The following FRAS1 variants were observed in gnomAD, a reference collection of about 807,000 sequenced individuals.
The protein encoded by FRAS1 is Fraser extracellular matrix complex subunit 1.
FRAS1 carries 290 observed loss-of-function variants against 435.2 expected under a neutral mutation model. The observed-to-expected ratio is 0.67, with a 90% CI of 0.61 to 0.73. FRAS1 has a LOEUF of 0.73. FRAS1 is among the 30% of genes least tolerant of loss of function. FRAS1 has a pLI of 0.00. For missense variants in FRAS1, 4,860 were observed against 5,001.5 expected (o/e 0.97, Z 0.85); for synonymous variants, 1,800 against 1,851.0 (o/e 0.97, Z 0.71).
At chr4:78,498,066 A>G (rs1011953218) in intron 60 of FRAS1, among the ~76,000 whole-genome samples, 5 of 152,218 alleles carry the variant, frequency 3.3e-5, no homozygotes, top group African/African-American at 1.2e-4. Context: ...CAGGGAGAGG[A>G]ACATCATACA....
intron 9 of FRAS1, among the ~76,000 whole-genome samples, chr4:78,275,607 G>C (rs1726970098): frequency 1.3e-5 from 2 of 152,290 alleles, no homozygotes; most frequent in Non-Finnish European, 1.5e-5. Flanking sequence ...ATTCTGGGTT[G>C]AGAATTCTTT....
intron 2 of FRAS1, among the ~76,000 whole-genome samples, chr4:78,230,131 A>G (rs1287912430): frequency 6.6e-6 from 1 of 152,224 alleles, no homozygotes; most frequent in Admixed American, 6.5e-5. Flanking sequence ...CTTCAGGTTT[A>G]TCATTTTAAG....
chr4:78,430,876 C>A (rs1734193072), intron 37 of FRAS1, among the ~76,000 whole-genome samples: 1 of 152,060 alleles, frequency 6.6e-6, no homozygotes, highest in African/African-American at 2.4e-5. Flanking sequence ...GAAGTATTAT[C>A]TATGTGATAT....
intron 2 of FRAS1, chr4:78,180,836 A>C: frequency 6.6e-7 from 1 of 1,510,446 alleles, no homozygotes. Context: ...AGGGTTCACG[A>C]AGGAACCAGG....
At chr4:78,073,141 A>AC (rs1416478627) in intron 2 of FRAS1, among the ~76,000 whole-genome samples, 2 of 152,236 alleles carry the variant, frequency 1.3e-5, no homozygotes, top group Middle Eastern at 6.8e-3. Flanking sequence ...GTCTCTGAGA[A>AC]TTTTTTTGTC....
At chr4:78,509,084 A>C in intron 63 of FRAS1, 78 bp downstream of exon 63, 1 of 1,494,918 alleles carries the variant, frequency 6.7e-7, no homozygotes, top group Non-Finnish European at 9.2e-7. Context: ...AGATAATCAA[A>C]TTCCTTATGG....
intron 2 of FRAS1, among the ~76,000 whole-genome samples, chr4:78,219,462 C>T (rs1420999929): frequency 6.6e-6 from 1 of 152,086 alleles, no homozygotes; most frequent in Non-Finnish European, 1.5e-5. Context: ...GACATAGCAA[C>T]AATTGATCAT....
chr4:78,155,603 C>T (rs564312995), intron 2 of FRAS1, among the ~76,000 whole-genome samples: 31 of 152,294 alleles, frequency 2.0e-4, no homozygotes, highest in Admixed American at 1.5e-3. Flanking sequence ...CCGTGGCATT[C>T]TAGGAGCTTA....
At chr4:78,483,799 A>T (rs202121586) in intron 58 of FRAS1, among the ~76,000 whole-genome samples, 20,960 of 66,276 alleles carry the variant, frequency 0.32, 4,421 homozygotes, top group East Asian at 0.56. Context: ...TATATATATA[A>T]AATTATGTAT....
At chr4:78,063,669 A>G (rs570966028) in intron 1 of FRAS1, among the ~76,000 whole-genome samples, 1 of 152,300 alleles carries the variant, frequency 6.6e-6, no homozygotes, top group African/African-American at 2.4e-5. Flanking sequence ...TGAGTTTATC[A>G]TGGCTATCTA....
intron 1 of FRAS1, among the ~76,000 whole-genome samples, chr4:78,060,304 A>C (rs1739699222): frequency 6.6e-6 from 1 of 152,196 alleles, no homozygotes; most frequent in Non-Finnish European, 1.5e-5. Flanking sequence ...AGGATCTTAG[A>C]AATCTCCTCA....
At chr4:78,360,947 T>A (rs1427893411) in intron 20 of FRAS1, among the ~76,000 whole-genome samples, 1 of 152,232 alleles carries the variant, frequency 6.6e-6, no homozygotes, top group East Asian at 1.9e-4. Context: ...AAAGCATCTG[T>A]TAGATGCAAC....
chr4:78,376,340 A>G (rs748891171), intron 26 of FRAS1, among the ~76,000 whole-genome samples: 15 of 152,144 alleles, frequency 9.9e-5, no homozygotes, highest in Non-Finnish European at 2.2e-4. Context: ...TAGGCTACAA[A>G]CCTGTACAGC....
At chr4:78,181,258 T>C in intron 2 of FRAS1, 1 of 1,608,456 alleles carries the variant, frequency 6.2e-7, no homozygotes, top group Non-Finnish European at 8.5e-7. Flanking sequence ...CTTTTACCTC[T>C]TCAACATCAT....
intron 2 of FRAS1, among the ~76,000 whole-genome samples, chr4:78,172,020 C>G (rs146559417): frequency 1.2e-4 from 18 of 152,206 alleles, no homozygotes; most frequent in African/African-American, 4.1e-4. Flanking sequence ...CCTTAAATGC[C>G]TTTTCCAGTA....
chr4:78,273,361 G>A (rs1726816815), intron 9 of FRAS1, among the ~76,000 whole-genome samples: 1 of 152,188 alleles, frequency 6.6e-6, no homozygotes, highest in Non-Finnish European at 1.5e-5. Flanking sequence ...TTGAATAGGA[G>A]TGGTGAGAGA....
At chr4:78,459,784 C>A (rs1055201129) in intron 47 of FRAS1, among the ~76,000 whole-genome samples, 1 of 152,136 alleles carries the variant, frequency 6.6e-6, no homozygotes, top group Non-Finnish European at 1.5e-5. Context: ...AGGAAGGACC[C>A]GCCCCAGGCC....
rs199775107 is a variant in FRAS1, at chr4:78,135,109, A to AAG, written c.108+69099_108+69100dup. Among the ~76,000 whole-genome samples, 910 of 152,312 alleles carry AAG rather than the reference A, an allele frequency of 6.0e-3. 11 individuals carry two copies. Among genetic ancestry groups the AAG allele is most frequent in the African/African-American group, 0.021 (855 of 41,562 alleles). Reference sequence around the variant, plus strand: ...TATACAGTAACAAACCATATTACAAAAGAGAGATAAGCCAAAAACTTCCCC... The same window carrying AAG: ...TATACAGTAACAAACCATATTACAAAAGAGAGAGATAAGCCAAAAACTTCCCC... On this transcript the variant is annotated intron_variant, in intron 2 of 73. Transcript: ENST00000512123.
At chr4:78,371,682 T>C (rs1731516425) in intron 23 of FRAS1, among the ~76,000 whole-genome samples, 1 of 152,198 alleles carries the variant, frequency 6.6e-6, no homozygotes, top group South Asian at 2.1e-4. Flanking sequence ...GACTTACCTT[T>C]CTTCAAAACC....
Sources: allele counts gnomAD v4.1 joint callset (sites outside exome capture counted in the v4.1 genomes callset), GRCh38; gene constraint gnomAD v4.1.1; transcripts MANE v1.5; gene names NCBI Gene and HGNC (gene_info 2026-07-23, HGNC 2026-07-21).